The following CBLC variants were observed in gnomAD, a reference collection of about 807,000 sequenced individuals.
The protein encoded by CBLC is E3 ubiquitin-protein ligase CBL-C.
Under a neutral mutation model 58.6 loss-of-function variants are expected in CBLC, and 46 were observed. The ratio of observed to expected loss-of-function variants is 0.79; its 90% CI spans 0.62 to 1.00. The LOEUF is 1.00. Ranked by LOEUF, CBLC falls within the 50% of genes least tolerant of loss-of-function variation. CBLC has a pLI of 0.00. For missense variants in CBLC, 655 were observed against 625.8 expected (o/e 1.05, Z -0.50); for synonymous variants, 271 against 264.2 (o/e 1.03, Z -0.25).
At chr19:44,781,967 G>C (rs1170330593) in intron 3 of CBLC, among the ~76,000 whole-genome samples, 19 of 123,192 alleles carry the variant, frequency 1.5e-4, no homozygotes, top group Admixed American at 1.6e-4. Flanking sequence ...GGGAGGAGGG[G>C]CTGGGGCCTG....
rs764313148 is a variant in CBLC at position 44,780,942 on chromosome 19, ATGCACGCAGAGC to A, written c.400_411del (p.Glu134_Ala137del). ...CAAGCTGGCCATCATCTTCAGCCACATGCACGCAGAGCTGCACGCACTCTTCCCCGGGGGAAA... is the reference window on the plus strand; with the variant it reads ...CAAGCTGGCCATCATCTTCAGCCACATGCACGCACTCTTCCCCGGGGGAAA... On this transcript the variant is annotated inframe_deletion, in exon 2 of 11. Transcript: ENST00000647358. 6.2e-7 allele frequency: 1 copy of A among 1,613,334 alleles called. No homozygotes were observed.
intron 1 of CBLC, among the ~76,000 whole-genome samples, chr19:44,779,855 G>A (rs1301851310): frequency 6.6e-6 from 1 of 151,908 alleles, no homozygotes; most frequent in African/African-American, 2.4e-5. Context: ...GTCCAGCCAA[G>A]TGTTTCCTTA....
In CBLC at chr19:44,781,238, C is replaced by T. The variant is rs114569424; in HGVS notation, c.532C>T (p.Leu178Phe). Residue 178 changes from leucine to phenylalanine, a missense_variant, in exon 3 of 11, where the codon CTC (leucine) becomes TTC (phenylalanine). Leu to Phe is a conservative substitution (Grantham distance 22). This residue lies in a region of CBLC where 4 missense variants were observed against 17.8 expected (regional missense o/e 0.22). Coordinates refer to ENST00000647358, the MANE Select transcript of CBLC (RefSeq NM_012116.4). ...GCTGCCCTGGGCTGAGTTTGAGTCCCTCCTGGGCACCTGCCACCCTGTGGA... is the reference window on the plus strand; with the variant it reads ...GCTGCCCTGGGCTGAGTTTGAGTCCTTCCTGGGCACCTGCCACCCTGTGGA... Reference protein sequence around the residue: ...CVLPWAEFESLLGTCHPVEPG... With the variant: ...CVLPWAEFESFLGTCHPVEPG... 1.3e-3 allele frequency: 2,113 copies of T among 1,613,680 alleles called. 20 individuals carry two copies. The African/African-American group carries it at 0.015, about 12-fold the overall frequency.
intron 7 of CBLC, 66 bp downstream of exon 7, chr19:44,792,580 G>A: frequency 1.4e-6 from 2 of 1,440,312 alleles, no homozygotes; most frequent in Non-Finnish European, 1.8e-6. Flanking sequence ...AGCCCCAAAA[G>A]GATCTCCATG....
chr19:44,792,794 C>T (rs986213341), intron 7 of CBLC, among the ~76,000 whole-genome samples: 4 of 152,142 alleles, frequency 2.6e-5, no homozygotes, highest in African/African-American at 7.2e-5. Context: ...AGTGGCTTCA[C>T]GTCTCTGAGC....
intron 5 of CBLC, among the ~76,000 whole-genome samples, chr19:44,787,963 G>GA (rs971945260): frequency 1.2e-4 from 17 of 145,576 alleles, no homozygotes; most frequent in South Asian, 4.8e-4. Flanking sequence ...GAGAAAAAAA[G>GA]AAAAAAAAAA....
At chr19:44,781,389 T>C (rs1485332386) in intron 3 of CBLC, 26 bp downstream of exon 3, 2 of 1,598,322 alleles carry the variant, frequency 1.3e-6, no homozygotes, top group Non-Finnish European at 1.7e-6. Context: ...GGCTGGGAGC[T>C]AGACTTGGGT....
chr19:44,784,203 G>C (rs1327382266), intron 4 of CBLC, 61 bp from the exon 5 acceptor site: 45 of 1,464,124 alleles, frequency 3.1e-5, no homozygotes, highest in Non-Finnish European at 4.1e-5. Context: ...GGGACTGGAA[G>C]TTCACAAAAG....
intron 9 of CBLC, among the ~76,000 whole-genome samples, chr19:44,795,484 T>C (rs1968159742): frequency 6.6e-6 from 1 of 151,182 alleles, no homozygotes; most frequent in African/African-American, 2.4e-5. Context: ...ACCACTGCAC[T>C]CCAGCCTGGG....
intron 9 of CBLC, among the ~76,000 whole-genome samples, chr19:44,799,692 GAA>G (rs201837204): frequency 0.019 from 2,861 of 148,246 alleles, 29 homozygotes; most frequent in African/African-American, 0.026. Context: ...GAAAAGTAAA[GAA>G]AGAGAGAGAG....
At chr19:44,795,783 G>A (rs981567346) in intron 9 of CBLC, among the ~76,000 whole-genome samples, 2 of 152,170 alleles carry the variant, frequency 1.3e-5, no homozygotes, top group East Asian at 1.9e-4. Context: ...CTGCAGGTCA[G>A]GCCTTTGTTG....
Position 44,785,921 on chromosome 19 carries a change from C to T in CBLC, c.917+1520C>T, listed in dbSNP as rs142817611. 6.1e-3 allele frequency among the ~76,000 whole-genome samples: 922 copies of T among 151,960 alleles called. 6 individuals carry two copies. The highest frequency in any genetic ancestry group is 0.021 in the African/African-American group (849 of 41,402). On this transcript the variant is annotated intron_variant, in intron 5 of 10. Coordinates refer to ENST00000647358, the MANE Select transcript of CBLC (RefSeq NM_012116.4). ...CTGCACTCCAGCCTGGGTGACAGAG[C>T]GAGACTCCATCTGAAAAAAACAAAA...
At chr19:44,783,385 T>G (rs548022672) in intron 4 of CBLC, among the ~76,000 whole-genome samples, 2 of 152,204 alleles carry the variant, frequency 1.3e-5, no homozygotes, top group East Asian at 1.9e-4. Context: ...GGCGTGCACC[T>G]GTAATCCCAG....
rs371314325 is a variant in CBLC, at chr19:44,792,515, G to A, written c.1137+1G>A. 1.9e-6 allele frequency: 3 copies of A among 1,594,938 alleles called. No homozygotes were observed. The highest frequency in any genetic ancestry group is 2.7e-5 in the African/African-American group (2 of 74,266). On this transcript the variant is annotated splice_donor_variant, in intron 7 of 10. Transcript: ENST00000647358. LOFTEE classifies it high-confidence loss of function. Reference sequence around the variant, plus strand: ...CAGCTGCTGCCTGGCTGCCTGGCAGGTGGGTCTGACCCCTGTGGCGCCTTC... The same window carrying A: ...CAGCTGCTGCCTGGCTGCCTGGCAGATGGGTCTGACCCCTGTGGCGCCTTC...
chr19:44,786,372 ACG>A (rs1967907431), intron 5 of CBLC, among the ~76,000 whole-genome samples: 1 of 151,896 alleles, frequency 6.6e-6, no homozygotes, highest in African/African-American at 2.4e-5. Context: ...CGCGCAGAAC[ACG>A]AGGTCAGGAG....
At position 44,790,109 on chromosome 19, in the gene CBLC, A is replaced by C. The variant is rs1407658341; in HGVS notation, c.1005+18A>C. ...TGTCAGAGGTGAGACCCGCACCTGC[A>C]CCCGCAGTCCCAGTTCCCTGACCCT... On this transcript the variant is annotated intron_variant, in intron 6 of 10. Coordinates refer to ENST00000647358, the MANE Select transcript of CBLC (RefSeq NM_012116.4). The C allele has an allele frequency of 6.3e-7, 1 of 1,594,952 alleles. No homozygotes were observed. The highest frequency in any genetic ancestry group is 8.6e-7 in the Non-Finnish European group (1 of 1,162,662).
At chr19:44,784,143 A>T in intron 4 of CBLC, 121 bp from the exon 5 acceptor site, 1 of 870,142 alleles carries the variant, frequency 1.1e-6, no homozygotes, top group Admixed American at 2.3e-5. Context: ...TGCCTAGAGG[A>T]TGGGAAGCTG....
At position 44,778,033 on chromosome 19, in the gene CBLC, C is replaced by A; in HGVS notation, c.102C>A (p.Asp34Glu). The change falls in exon 1 of 11, where the codon GAC (aspartate) becomes GAA (glutamate). Residue 34 changes from aspartate (D) to glutamate (E), a missense_variant. Physicochemically the swap from Asp to Glu is conservative, Grantham distance 45. Transcript: ENST00000647358. ...AGCGCCTAGAAGAGCAATGCGTCGA[C>A]CCCCGGCTGTCCGTGAGTCCCCCTT... ...MLQRLEEQCV[D>E]PRLSVSPPSL... 1 of 1,609,322 alleles carries A rather than the reference C, an allele frequency of 6.2e-7. No individual in the cohort carries two copies.
At chr19:44,799,163 T>C (rs145727905) in intron 9 of CBLC, among the ~76,000 whole-genome samples, 244 of 152,144 alleles carry the variant, frequency 1.6e-3, no homozygotes, top group African/African-American at 5.5e-3. Flanking sequence ...TTCACAGCTG[T>C]CTTCTCAGAG....
Sources: gnomAD v4.1 joint callset for allele counts (sites outside exome capture counted in the v4.1 genomes callset) on GRCh38, gnomAD v4.1.1 for gene constraint, gnomAD v4.1.1 regional missense constraint, MANE v1.5 for transcripts, NCBI Gene and HGNC (gene_info 2026-07-23, HGNC 2026-07-21) for gene names.